Variants in NREP observed in about 807,000 individuals in gnomAD.
The protein encoded by NREP is neuronal regeneration related protein, also known as neuronal regeneration-related protein.
A neutral mutation model predicts 8.6 loss-of-function variants in NREP; 5 were observed. That is an observed-to-expected ratio of 0.58 (90% CI 0.30 to 1.22). The LOEUF (loss-of-function observed/expected upper bound fraction) is 1.22. Ranked by LOEUF, NREP falls within the 50% of genes most tolerant of loss-of-function variation. The pLI, the probability that NREP is intolerant of heterozygous loss-of-function variation, is 0.07. For missense variants in NREP, 86 were observed against 82.5 expected, an observed-to-expected ratio of 1.04 and a Z score of -0.17; for synonymous variants, 27 against 28.0, an observed-to-expected ratio of 0.96 and a Z score of 0.11.
intron 2 of NREP, among the ~76,000 whole-genome samples, chr5:111,925,329 C>T (rs575923956): frequency 1.3e-5 from 2 of 152,240 alleles, no homozygotes; most frequent in East Asian, 1.9e-4. Flanking sequence ...TGGACAGGGT[C>T]GAGGTGGCTT....
chr5:111,954,836 TC>T (rs1425752378), intron 2 of NREP, among the ~76,000 whole-genome samples: 1 of 152,178 alleles, frequency 6.6e-6, no homozygotes, highest in Non-Finnish European at 1.5e-5. Flanking sequence ...TAAAAGTCTT[TC>T]TTTAAAAACA....
At chr5:111,887,039 TCA>T (rs1754271327) in intron 2 of NREP, among the ~76,000 whole-genome samples, 1 of 151,538 alleles carries the variant, frequency 6.6e-6, no homozygotes, top group Admixed American at 6.6e-5. Context: ...TCCTCATGCC[TCA>T]CCCTCCCAAA....
intron 2 of NREP, among the ~76,000 whole-genome samples, chr5:111,816,651 C>T (rs914087822): frequency 3.4e-5 from 5 of 145,418 alleles, no homozygotes; most frequent in East Asian, 2.0e-4. Context: ...TAATAGAACA[C>T]GAACAATCAA....
chr5:111,941,921 T>C (rs1755839731), intron 2 of NREP, among the ~76,000 whole-genome samples: 1 of 152,082 alleles, frequency 6.6e-6, no homozygotes, highest in Admixed American at 6.6e-5. Context: ...CACAATAATA[T>C]ACTCACTACT....
At chr5:111,776,193 T>C (rs536686035) in intron 2 of NREP, among the ~76,000 whole-genome samples, 112 of 152,304 alleles carry the variant, frequency 7.4e-4, no homozygotes, top group African/African-American at 2.7e-3. Flanking sequence ...ATTCATGTCA[T>C]AATTTTTCCT....
intron 2 of NREP, among the ~76,000 whole-genome samples, chr5:111,797,036 A>G (rs1751887331): frequency 6.6e-6 from 1 of 151,928 alleles, no homozygotes; most frequent in African/African-American, 2.4e-5. Context: ...CTAAAGAGAC[A>G]AGAAAACGCA....
At chr5:111,856,312 G>A (rs911844946) in intron 2 of NREP, among the ~76,000 whole-genome samples, 2 of 152,162 alleles carry the variant, frequency 1.3e-5, no homozygotes, top group Admixed American at 6.5e-5. Flanking sequence ...GATAGTGTCA[G>A]AGCCTCTAAA....
intron 2 of NREP, among the ~76,000 whole-genome samples, chr5:111,843,887 C>T (rs922682316): frequency 1.3e-4 from 20 of 152,180 alleles, no homozygotes; most frequent in African/African-American, 4.6e-4. Context: ...AGAGGATAGT[C>T]TAAGGCCTGG....
At chr5:111,958,560 C>CA in intron 2 of NREP, among the ~76,000 whole-genome samples, 1 of 151,852 alleles carries the variant, frequency 6.6e-6, no homozygotes, top group Non-Finnish European at 1.5e-5. Context: ...AAATTTCATT[C>CA]AAAATATTAA....
chr5:111,905,082 C>A (rs537648505), intron 2 of NREP, among the ~76,000 whole-genome samples: 3 of 152,070 alleles, frequency 2.0e-5, no homozygotes, highest in African/African-American at 7.2e-5. Flanking sequence ...TCTGTAAATT[C>A]CCTTATGCAC....
In NREP at chr5:111,754,348, G is replaced by C. The variant is rs116266199; in HGVS notation, c.3+1422C>G. On this transcript the variant is annotated intron_variant, in intron 2 of 3. Coordinates refer to ENST00000257435, the MANE Select transcript of NREP (RefSeq NM_004772.4). ...TTGATCTATAGAGTTAGTTTTGGTA[G>C]GGTCCATAGTCATATTTATGTTTAA... 3.7e-3 allele frequency among the ~76,000 whole-genome samples: 559 copies of C among 152,196 alleles called. 6 individuals are homozygous for C. Among genetic ancestry groups the C allele is most frequent in the African/African-American group, 0.013 (533 of 41,520 alleles).
chr5:111,815,437 T>G (rs1179478686), intron 2 of NREP, among the ~76,000 whole-genome samples: 1 of 152,156 alleles, frequency 6.6e-6, no homozygotes, highest in East Asian at 1.9e-4. Context: ...TATTAAAAAC[T>G]TTGTAATTCA....
intron 2 of NREP, among the ~76,000 whole-genome samples, chr5:111,816,443 A>G (rs768993996): frequency 6.6e-6 from 1 of 152,170 alleles, no homozygotes; most frequent in Non-Finnish European, 1.5e-5. Context: ...CATAGCAACA[A>G]TTGTGAAAAG....
At chr5:111,924,281 G>A (rs1004640210) in intron 2 of NREP, among the ~76,000 whole-genome samples, 2 of 152,132 alleles carry the variant, frequency 1.3e-5, no homozygotes, top group African/African-American at 4.8e-5. Context: ...TCTACATACT[G>A]TAGGACTTTA....
intron 2 of NREP, among the ~76,000 whole-genome samples, chr5:111,871,857 T>TATAG (rs1435532521): frequency 6.8e-6 from 1 of 147,970 alleles, no homozygotes; most frequent in Non-Finnish European, 1.5e-5. Flanking sequence ...TATATATATA[T>TATAG]ATATATTTAT....
chr5:111,898,429 G>T (rs1333249048), intron 2 of NREP, among the ~76,000 whole-genome samples: 2 of 152,190 alleles, frequency 1.3e-5, no homozygotes, highest in African/African-American at 2.4e-5. Flanking sequence ...CTAAGTAATT[G>T]TTACCAACTG....
chr5:111,890,106 A>C (rs1754358729), intron 2 of NREP, among the ~76,000 whole-genome samples: 1 of 152,178 alleles, frequency 6.6e-6, no homozygotes, highest in Non-Finnish European at 1.5e-5. Flanking sequence ...GAGACCCGAC[A>C]GGTACAATCA....
chr5:111,918,592 C>A (rs967036357), intron 2 of NREP, among the ~76,000 whole-genome samples: 1 of 152,022 alleles, frequency 6.6e-6, no homozygotes, highest in Middle Eastern at 3.2e-3. Flanking sequence ...ACAAACCTGA[C>A]AAAAACAGGC....
At chr5:111,818,461 T>A (rs1752442837) in intron 2 of NREP, among the ~76,000 whole-genome samples, 2 of 152,202 alleles carry the variant, frequency 1.3e-5, no homozygotes, top group South Asian at 4.1e-4. Context: ...ATTCACATAA[T>A]CAATATAAAG....
Sources: allele counts gnomAD v4.1 joint callset (sites outside exome capture counted in the v4.1 genomes callset), GRCh38; gene constraint gnomAD v4.1.1; transcripts MANE v1.5; gene names NCBI Gene and HGNC (gene_info 2026-07-23, HGNC 2026-07-21).